Variants in DEPDC1B observed in about 807,000 individuals in gnomAD.
The protein encoded by DEPDC1B is DEP domain containing 1B, also known as DEP domain-containing protein 1B.
DEPDC1B carries 51 observed loss-of-function variants against 66.5 expected under a neutral mutation model. That is an observed-to-expected ratio of 0.77 (90% CI 0.61 to 0.97). DEPDC1B has a LOEUF of 0.97. Among genes scored for constraint, DEPDC1B ranks in the 50% least tolerant of loss-of-function variants. The pLI is 0.00. For synonymous variants in DEPDC1B, 226 were observed against 223.6 expected, an observed-to-expected ratio of 1.01 and a Z score of -0.10; for missense variants, 552 against 637.1, an observed-to-expected ratio of 0.87 and a Z score of 1.44.
At chr5:60,647,912 CAT>C (rs1753359614) in intron 2 of DEPDC1B, 1 of 154,556 alleles carries the variant, frequency 6.5e-6, no homozygotes, top group African/African-American at 2.4e-5. Flanking sequence ...AAATCTTACC[CAT>C]GTTATCCACA....
chr5:60,625,263 T>A (rs1289227362), intron 7 of DEPDC1B, among the ~76,000 whole-genome samples: 2 of 152,182 alleles, frequency 1.3e-5, no homozygotes, highest in Middle Eastern at 3.2e-3. Context: ...ATATACCCAG[T>A]AACGGGATGG....
chr5:60,641,404 A>G (rs996767323), intron 6 of DEPDC1B, among the ~76,000 whole-genome samples: 16 of 146,250 alleles, frequency 1.1e-4, no homozygotes, highest in African/African-American at 4.1e-4. Flanking sequence ...GCTGGAGTGC[A>G]GTGGCACAAT....
intron 2 of DEPDC1B, among the ~76,000 whole-genome samples, chr5:60,676,052 C>T (rs934360864): frequency 4.6e-5 from 7 of 151,868 alleles, no homozygotes; most frequent in Non-Finnish European, 7.4e-5. Flanking sequence ...CTCAGCCTCC[C>T]GAGTAGCTGG....
In DEPDC1B at chr5:60,642,851, G is replaced by A. The variant is rs939126748; in HGVS notation, c.718C>T (p.Pro240Ser). The change falls in exon 6 of 11, where the codon CCT (proline) becomes TCT (serine). Residue 240 changes from proline (P) to serine (S), a missense_variant. Coordinates refer to ENST00000265036, the MANE Select transcript of DEPDC1B (RefSeq NM_018369.3). ...VILDDKSKEL[P>S]HWVLSAMKCL... The stretch of plus-strand genomic sequence containing the variant: ...TTCATAGCTGACAGCACCCAATGAG[G>A]AAGTTCTTCTGAAGGAAAAAGAAAA... The A allele has an allele frequency of 5.0e-6, 8 of 1,611,026 alleles. No individual in the cohort carries two copies. Among genetic ancestry groups the A allele is most frequent in the African/African-American group, 1.3e-5 (1 of 74,824 alleles).
chr5:60,638,511 T>C (rs1291043089), intron 7 of DEPDC1B, among the ~76,000 whole-genome samples: 2 of 152,228 alleles, frequency 1.3e-5, no homozygotes, highest in African/African-American at 4.8e-5. Context: ...CAACATATTA[T>C]ATTCTTTCTT....
intron 8 of DEPDC1B, among the ~76,000 whole-genome samples, chr5:60,604,992 T>G (rs1053821651): frequency 2.0e-5 from 3 of 152,192 alleles, no homozygotes; most frequent in African/African-American, 7.2e-5. Flanking sequence ...TTTAACAGGA[T>G]ATGGAAAGCA....
At chr5:60,635,041 A>G (rs191565311) in intron 7 of DEPDC1B, among the ~76,000 whole-genome samples, 1 of 150,256 alleles carries the variant, frequency 6.7e-6, no homozygotes, top group Non-Finnish European at 1.5e-5. Context: ...CCTGGGCAAC[A>G]AGAGCGAAAC....
intron 7 of DEPDC1B, among the ~76,000 whole-genome samples, chr5:60,612,528 CAAAAAAAAAAA>C (rs35196065): frequency 3.3e-5 from 3 of 90,236 alleles, no homozygotes; most frequent in African/African-American, 4.7e-5. Flanking sequence ...GAGATCTGCT[CAAAAAAAAAAA>C]AAAAAAAAAG....
At chr5:60,691,650 GA>G (rs959099848) in intron 1 of DEPDC1B, among the ~76,000 whole-genome samples, 8 of 148,502 alleles carry the variant, frequency 5.4e-5, no homozygotes, top group Non-Finnish European at 1.0e-4. Context: ...ATTACAAAAT[GA>G]AAAAAAAATT....
chr5:60,699,929 T>C (rs1323903202), intron 1 of DEPDC1B, 117 bp downstream of exon 1: 1 of 1,277,186 alleles, frequency 7.8e-7, no homozygotes, highest in East Asian at 2.6e-5. Flanking sequence ...GCTGAAATGC[T>C]CCACACCCGA....
intron 2 of DEPDC1B, among the ~76,000 whole-genome samples, chr5:60,661,368 A>T (rs1753711521): frequency 6.6e-6 from 1 of 152,210 alleles, no homozygotes; most frequent in African/African-American, 2.4e-5. Context: ...CCTGGAAAGG[A>T]ATAAGCATTA....
intron 1 of DEPDC1B, among the ~76,000 whole-genome samples, chr5:60,690,047 C>T (rs1754507311): frequency 6.6e-6 from 1 of 151,952 alleles, no homozygotes; most frequent in Admixed American, 6.5e-5. Context: ...AGAGTAAGAC[C>T]CTGTCTCAAA....
intron 2 of DEPDC1B, among the ~76,000 whole-genome samples, chr5:60,677,589 T>C (rs1754199955): frequency 6.6e-6 from 1 of 152,074 alleles, no homozygotes; most frequent in African/African-American, 2.4e-5. Context: ...CAGGCTGAAG[T>C]ACAGTGGCAT....
intron 2 of DEPDC1B, among the ~76,000 whole-genome samples, chr5:60,672,242 T>TGG (rs1251177155): frequency 2.0e-5 from 3 of 152,236 alleles, no homozygotes; most frequent in Non-Finnish European, 4.4e-5. Context: ...TCATTCAATT[T>TGG]GAGCGCAAGT....
At chr5:60,683,439 A>C (rs1584100496) in intron 2 of DEPDC1B, among the ~76,000 whole-genome samples, 1 of 152,268 alleles carries the variant, frequency 6.6e-6, no homozygotes, top group East Asian at 1.9e-4. Context: ...CTCAAAAAGA[A>C]AGAGAGAATG....
chr5:60,639,400 G>T (rs1331378865), intron 6 of DEPDC1B, among the ~76,000 whole-genome samples: 1 of 151,998 alleles, frequency 6.6e-6, no homozygotes, highest in Non-Finnish European at 1.5e-5. Context: ...AATAATTTCT[G>T]CCTCTATTTC....
intron 10 of DEPDC1B, among the ~76,000 whole-genome samples, 164 bp downstream of exon 10, chr5:60,598,911 A>C (rs1238588293): frequency 6.6e-6 from 1 of 152,206 alleles, no homozygotes; most frequent in African/African-American, 2.4e-5. Flanking sequence ...GATACTGACC[A>C]CAAGTGTGTA....
chr5:60,663,578 C>G (rs932076046), intron 2 of DEPDC1B, among the ~76,000 whole-genome samples: 1 of 152,196 alleles, frequency 6.6e-6, no homozygotes, highest in African/African-American at 2.4e-5. Context: ...TTCTTATTTG[C>G]CTTTAAAGAT....
At chr5:60,660,315 A>AG (rs1005619986) in intron 2 of DEPDC1B, among the ~76,000 whole-genome samples, 4 of 104,766 alleles carry the variant, frequency 3.8e-5, no homozygotes, top group Non-Finnish European at 6.6e-5. Flanking sequence ...AGAGAGACAA[A>AG]GGGGGGGAGA....
Sources: gnomAD v4.1 joint callset for allele counts (sites outside exome capture counted in the v4.1 genomes callset) on GRCh38, gnomAD v4.1.1 for gene constraint, MANE v1.5 for transcripts, NCBI Gene and HGNC (gene_info 2026-07-23, HGNC 2026-07-21) for gene names.